Variants in ITPR2 observed in about 807,000 individuals in gnomAD.
ITPR2 encodes inositol 1,4,5-trisphosphate receptor type 2, also known as inositol 1,4,5-trisphosphate-gated calcium channel ITPR2.
ITPR2 carries 207 observed loss-of-function variants against 317.1 expected under a neutral mutation model. The observed-to-expected ratio is 0.65, with a 90% CI of 0.58 to 0.73. The LOEUF (loss-of-function observed/expected upper bound fraction) is 0.73. Among genes scored for constraint, ITPR2 ranks in the 30% least tolerant of loss-of-function variants. The pLI, the probability that ITPR2 is intolerant of heterozygous loss-of-function variation, is 0.00. For synonymous variants in ITPR2, 1,156 were observed against 1,149.1 expected, an observed-to-expected ratio of 1.01 and a Z score of -0.12; for missense variants, 2,613 against 3,284.0, an observed-to-expected ratio of 0.80 and a Z score of 4.99.
intron 45 of ITPR2, among the ~76,000 whole-genome samples, chr12:26,467,702 T>C (rs12305679): frequency 0.092 from 14,022 of 152,118 alleles, 1,368 homozygotes; most frequent in African/African-American, 0.23. Flanking sequence ...AAACAAATAA[T>C]TGCTTCCACT....
chr12:26,717,884 A>G (rs1240404517), intron 5 of ITPR2, among the ~76,000 whole-genome samples: 5 of 152,226 alleles, frequency 3.3e-5, no homozygotes, highest in Non-Finnish European at 5.9e-5. Context: ...TGACATAAGC[A>G]TATTCCCAAT....
chr12:26,374,240 G>T (rs1939274923), intron 55 of ITPR2, among the ~76,000 whole-genome samples: 1 of 152,216 alleles, frequency 6.6e-6, no homozygotes, highest in African/African-American at 2.4e-5. Context: ...AATATAGGAA[G>T]CCCCTCTGCC....
In ITPR2 at chr12:26,337,873, T is replaced by C. The variant is rs933485158; in HGVS notation, c.*1524A>G. The C allele has an allele frequency of 7.2e-5, 11 of 152,240 alleles. No individual in the cohort carries two copies. The highest frequency in any genetic ancestry group is 2.7e-4 in the African/African-American group (11 of 41,470). 9.4% of individuals were successfully genotyped at this position (152,240 alleles called of 1,614,324 possible). A position where few individuals can be genotyped will look rare whatever the true frequency, so the allele number is the denominator to read the frequency against. On this transcript the variant is annotated 3_prime_UTR_variant, in exon 57 of 57. Coordinates refer to ENST00000381340, the MANE Select transcript of ITPR2 (RefSeq NM_002223.4). ...TCTTAACAGTATGTGGAAGGATTGGTTCAGGCTTCCTTTATATTCTACATA... is the reference window on the plus strand; with the variant it reads ...TCTTAACAGTATGTGGAAGGATTGGCTCAGGCTTCCTTTATATTCTACATA...
At chr12:26,494,979 T>C (rs547381808) in intron 38 of ITPR2, among the ~76,000 whole-genome samples, 173 bp downstream of exon 38, 1 of 152,274 alleles carries the variant, frequency 6.6e-6, no homozygotes, top group South Asian at 2.1e-4. Flanking sequence ...GCAAAATCAA[T>C]TCTGATGTTC....
intron 2 of ITPR2, among the ~76,000 whole-genome samples, chr12:26,764,759 G>A (rs1431528623): frequency 6.6e-6 from 1 of 151,894 alleles, no homozygotes; most frequent in African/African-American, 2.4e-5. Context: ...CCTTACCAGA[G>A]AAATTATATA....
At chr12:26,663,050 C>G (rs1445330596) in intron 15 of ITPR2, among the ~76,000 whole-genome samples, 1 of 152,210 alleles carries the variant, frequency 6.6e-6, no homozygotes, top group Non-Finnish European at 1.5e-5. Context: ...CTAGATCCAT[C>G]TGGGTTCCCT....
chr12:26,640,389 C>T (rs1946958686), intron 21 of ITPR2, among the ~76,000 whole-genome samples: 1 of 151,734 alleles, frequency 6.6e-6, no homozygotes, highest in Non-Finnish European at 1.5e-5. Context: ...TAAAAAAAAA[C>T]ATATACTTAG....
intron 31 of ITPR2, 60 bp downstream of exon 31, chr12:26,596,823 G>C (rs543540995): frequency 1.4e-6 from 2 of 1,439,062 alleles, no homozygotes; most frequent in Non-Finnish European, 1.9e-6. Flanking sequence ...CTGGCACCTA[G>C]ATAAACTTCA....
At chr12:26,772,500 C>CATTATTATATATAATA (rs1949880087) in intron 2 of ITPR2, among the ~76,000 whole-genome samples, 1 of 105,652 alleles carries the variant, frequency 9.5e-6, no homozygotes, top group South Asian at 2.6e-4. Context: ...ACATATAATA[C>CATTATTATATATAATA]ATGTATTATA....
In ITPR2 at chr12:26,379,134, G is replaced by A. The variant is rs142481236; in HGVS notation, c.7857+8300C>T. The stretch of plus-strand genomic sequence containing the variant: ...CTGGCACATTATGGGCATGGCATCC[G>A]TTTGTGCAAGCTGTGCCACTTTGGG... On this transcript the variant is annotated intron_variant, in intron 55 of 56. Coordinates refer to ENST00000381340, the MANE Select transcript of ITPR2 (RefSeq NM_002223.4). 8.5e-4 allele frequency among the ~76,000 whole-genome samples: 129 copies of A among 152,268 alleles called. 1 individual carries two copies. The East Asian group carries it at 0.023, about 27-fold the overall frequency.
chr12:26,720,759 T>C (rs892834140), intron 5 of ITPR2, among the ~76,000 whole-genome samples: 2 of 152,188 alleles, frequency 1.3e-5, no homozygotes, highest in African/African-American at 2.4e-5. Context: ...GTAGGTTTTG[T>C]TTTGTTTTGG....
rs1340911433 is a variant in ITPR2, at chr12:26,337,634, C to T, written c.*1763G>A. 1 of 152,140 alleles carries T rather than the reference C, an allele frequency of 6.6e-6. No homozygotes were observed. Among genetic ancestry groups the T allele is most frequent in the Non-Finnish European group, 1.5e-5 (1 of 68,018 alleles). 9.4% of individuals were successfully genotyped at this position (152,140 alleles called of 1,614,324 possible). A position where few individuals can be genotyped will look rare whatever the true frequency, so the allele number is the denominator to read the frequency against. ...AATTTCTCATGTATTTATTGACTGC[C>T]TCCTAGGTTCAAAGTTCTGTGCTGC... On this transcript the variant is annotated 3_prime_UTR_variant, in exon 57 of 57. Coordinates refer to ENST00000381340, the MANE Select transcript of ITPR2 (RefSeq NM_002223.4).
intron 50 of ITPR2, among the ~76,000 whole-genome samples, chr12:26,417,413 G>C (rs534836304): frequency 6.6e-6 from 1 of 152,038 alleles, no homozygotes. Context: ...ATTTCATCTC[G>C]AATTGTAATC....
At chr12:26,413,203 C>A (rs1940607494) in intron 51 of ITPR2, among the ~76,000 whole-genome samples, 1 of 152,226 alleles carries the variant, frequency 6.6e-6, no homozygotes, top group Non-Finnish European at 1.5e-5. Context: ...TCTATCAACC[C>A]AGATTCCTCT....
intron 51 of ITPR2, among the ~76,000 whole-genome samples, chr12:26,414,746 A>C (rs560210695): frequency 6.6e-6 from 1 of 152,286 alleles, no homozygotes; most frequent in Admixed American, 6.5e-5. Flanking sequence ...AGAGTATAGA[A>C]ATTCTGAAAG....
intron 39 of ITPR2, among the ~76,000 whole-genome samples, chr12:26,490,289 G>A (rs74352694): frequency 1.5e-3 from 226 of 152,310 alleles, no homozygotes; most frequent in African/African-American, 5.2e-3. Flanking sequence ...TGGAAGCTGA[G>A]ATAAGGGAAT....
At chr12:26,589,323 T>C (rs1412407346) in intron 32 of ITPR2, among the ~76,000 whole-genome samples, 1 of 151,900 alleles carries the variant, frequency 6.6e-6, no homozygotes, top group Non-Finnish European at 1.5e-5. Flanking sequence ...GACAAGGAAA[T>C]GCCAATAGGA....
intron 35 of ITPR2, 113 bp from the exon 36 acceptor site, chr12:26,556,488 T>G: frequency 1.0e-6 from 1 of 952,772 alleles, no homozygotes; most frequent in East Asian, 2.6e-5. Flanking sequence ...CCCCTCTATT[T>G]CCATAGCAGC....
At chr12:26,539,964 T>C (rs1451691112) in intron 37 of ITPR2, among the ~76,000 whole-genome samples, 1 of 152,208 alleles carries the variant, frequency 6.6e-6, no homozygotes, top group Non-Finnish European at 1.5e-5. Flanking sequence ...TCTGCAAACA[T>C]TTATTGAGTA....
Sources: allele counts gnomAD v4.1 joint callset (sites outside exome capture counted in the v4.1 genomes callset), GRCh38; gene constraint gnomAD v4.1.1; transcripts MANE v1.5; gene names NCBI Gene and HGNC (gene_info 2026-07-23, HGNC 2026-07-21).